Variants in TRRAP observed in about 807,000 individuals in gnomAD.
The protein encoded by TRRAP is transformation/transcription domain associated protein.
A neutral mutation model predicts 438.8 loss-of-function variants in TRRAP; 41 were observed. The ratio of observed to expected loss-of-function variants is 0.09; its 90% CI spans 0.07 to 0.12. The LOEUF (loss-of-function observed/expected upper bound fraction) is 0.12. Among genes scored for constraint, TRRAP ranks in the 10% least tolerant of loss-of-function variants. The probability of loss-of-function intolerance (pLI) is 1.00; values close to 1 mark genes in which losing one functional copy is unlikely to be tolerated. For missense variants in TRRAP, 3,122 were observed against 5,055.1 expected (o/e 0.62, Z 11.60); for synonymous variants, 1,994 against 1,962.9 (o/e 1.02, Z -0.42).
At chr7:98,959,590 C>G (rs1392291053) in intron 45 of TRRAP, 100 bp downstream of exon 45, 20 of 1,500,104 alleles carry the variant, frequency 1.3e-5, no homozygotes, top group Non-Finnish European at 1.8e-5. Flanking sequence ...CACTCTGACC[C>G]TTATGCCTAA....
At chr7:98,901,881 G>A (rs1562932471) in intron 11 of TRRAP, among the ~76,000 whole-genome samples, 1 of 152,188 alleles carries the variant, frequency 6.6e-6, no homozygotes, top group Admixed American at 6.5e-5. Flanking sequence ...GTATCATAAA[G>A]TTCCCCCTCT....
Position 98,976,168 on chromosome 7 carries a change from C to T in TRRAP, c.7859C>T (p.Ala2620Val). The change falls in exon 54 of 73, where the codon GCT (alanine) becomes GTT (valine). Residue 2620 changes from alanine to valine, a missense_variant. By Grantham distance (64) the Ala-to-Val change is moderately conservative. Transcript: ENST00000456197. This position sits in a 1 kb window ranked among gnomAD's most constrained non-coding sequence, Gnocchi z 4.6. ...TCATAGACTGGAGCGCTGCTCAGCGCTTTCGTTCAGCTGTGCCACATTTCC... is the reference window on the plus strand; with the variant it reads ...TCATAGACTGGAGCGCTGCTCAGCGTTTTCGTTCAGCTGTGCCACATTTCC... ...REVKTGALLS[A>V]FVQLCHISTT... 6.2e-7 allele frequency: 1 copy of T among 1,614,016 alleles called. No homozygotes were observed. The highest frequency in any genetic ancestry group is 8.5e-7 in the Non-Finnish European group (1 of 1,179,938).
rs906802176 is a variant in TRRAP at position 98,892,471 on chromosome 7, C to T, written c.309C>T (p.Asn103=). 7.4e-6 allele frequency: 12 copies of T among 1,612,098 alleles called. No individual in the cohort carries two copies. In the Admixed American group the frequency reaches 8.4e-5, roughly 11 times the overall value. ...VLEIIHRIPT[N]EHLRPHTKNV... ...AAATAATTCATAGAATACCAACCAA[C>T]GAACATCTTCGTCCTCACACAAAAA... Residue 103 remains asparagine, a synonymous_variant, in exon 5 of 73, where the codon AAC becomes AAT. Coordinates refer to ENST00000456197, the MANE Select transcript of TRRAP (RefSeq NM_001375524.1).
intron 16 of TRRAP, among the ~76,000 whole-genome samples, chr7:98,910,860 A>T (rs1241085609): frequency 6.6e-6 from 1 of 151,790 alleles, no homozygotes; most frequent in Admixed American, 6.6e-5. Flanking sequence ...AAGTTTAATA[A>T]TTTTTTTCAT....
chr7:98,959,538 A>G, intron 45 of TRRAP, 48 bp downstream of exon 45: 1 of 1,586,898 alleles, frequency 6.3e-7, no homozygotes, highest in Non-Finnish European at 8.6e-7. Flanking sequence ...CGAGGCCACT[A>G]GCAGATACTG....
At chr7:98,898,801 A>G (rs562173784) in intron 8 of TRRAP, among the ~76,000 whole-genome samples, 2 of 152,352 alleles carry the variant, frequency 1.3e-5, no homozygotes, top group Admixed American at 6.5e-5. Context: ...GTGAAGTCAT[A>G]GGCATTCATT....
chr7:98,964,669 C>G lies in TRRAP; in HGVS notation c.6870C>G (p.Pro2290=). ...MILKSACSNN[P]SYIDRLISVF... ...TCAAGTCTGCCTGCAGCAACAACCC[C>G]AGCTACATAGACAGGCTGATCTCCG... The change falls in exon 48 of 73, where the codon CCC becomes CCG. Residue 2290 remains proline, a synonymous_variant. Coordinates refer to ENST00000456197, the MANE Select transcript of TRRAP (RefSeq NM_001375524.1). 1 of 1,614,074 alleles carries G rather than the reference C, an allele frequency of 6.2e-7. No individual in the cohort carries two copies. Among genetic ancestry groups the G allele is most frequent in the African/African-American group, 1.3e-5 (1 of 75,040 alleles).
At chr7:98,979,448 G>A (rs1792814479) in intron 58 of TRRAP, among the ~76,000 whole-genome samples, 2 of 152,050 alleles carry the variant, frequency 1.3e-5, no homozygotes, top group Admixed American at 1.3e-4. Flanking sequence ...TAGTTTTTAG[G>A]GAATGACAAG....
Position 98,994,814 on chromosome 7 carries a change from T to G in TRRAP, c.10275T>G (p.Pro3425=). The change falls in exon 67 of 73, where the codon CCT becomes CCG. Residue 3425 remains proline, a synonymous_variant. Coordinates refer to ENST00000456197, the MANE Select transcript of TRRAP (RefSeq NM_001375524.1). This position sits in a 1 kb window ranked among gnomAD's most constrained non-coding sequence, Gnocchi z 4.8. ...GGGCGCAGGCCACTGCACAAGACCC[T>G]GTCTTTCAGAAGCTGAAAGGCCAGT... is the stretch of plus-strand genomic sequence containing the variant. ...ARRAQATAQD[P]VFQKLKGQFT... The G allele has an allele frequency of 1.2e-6, 2 of 1,613,314 alleles. No individual in the cohort carries two copies. Among genetic ancestry groups the G allele is most frequent in the Non-Finnish European group, 1.7e-6 (2 of 1,179,244 alleles).
intron 3 of TRRAP, among the ~76,000 whole-genome samples, chr7:98,889,375 A>C (rs1009345148): frequency 2.6e-5 from 4 of 152,124 alleles, no homozygotes; most frequent in Non-Finnish European, 5.9e-5. Flanking sequence ...GAAACTTCAT[A>C]AACTTTGCAT....
At position 99,011,543 on chromosome 7, in the gene TRRAP, T is replaced by G. The variant is rs767912925; in HGVS notation, c.11337+8T>G. 9.3e-6 allele frequency: 15 copies of G among 1,611,320 alleles called. No individual in the cohort carries two copies. The highest frequency in any genetic ancestry group is 3.3e-5 in the Admixed American group (2 of 59,722). On this transcript the variant is annotated splice_region_variant and intron_variant, in intron 72 of 72. Transcript: ENST00000456197. The surrounding 1 kb of genome is among the most constrained non-coding windows in gnomAD (Gnocchi z 7.1). Reference sequence around the variant, plus strand: ...GCCCAGCCAAACTTTAAGGTGGGTCTCCACGTCGTCCTATCACAGGCGCAG... The same window carrying G: ...GCCCAGCCAAACTTTAAGGTGGGTCGCCACGTCGTCCTATCACAGGCGCAG...
At chr7:98,926,880 G>A (rs1055321005) in intron 22 of TRRAP, among the ~76,000 whole-genome samples, 1 of 151,952 alleles carries the variant, frequency 6.6e-6, no homozygotes, top group Admixed American at 6.6e-5. Context: ...TTAGCTGGGC[G>A]TGGTGGTGGG....
rs544093599 is a variant in TRRAP at position 98,994,519 on chromosome 7, C to A, written c.10048-68C>A. ...GGCTGGGAGGGCCGCACTCAATAGG[C>A]GCTTTTGGCTGCTGGTTCTGGAGTG... On this transcript the variant is annotated intron_variant, in intron 66 of 72. Transcript: ENST00000456197. The surrounding 1 kb of genome is among the most constrained non-coding windows in gnomAD (Gnocchi z 4.8). 3.1e-6 allele frequency: 5 copies of A among 1,598,122 alleles called. No homozygotes were observed. Among genetic ancestry groups the A allele is most frequent in the East Asian group, 2.2e-5 (1 of 44,756 alleles).
chr7:98,917,441 G>A lies in TRRAP; in HGVS notation c.2384G>A (p.Ser795Asn). The A allele has an allele frequency of 1.2e-6, 2 of 1,614,160 alleles. No individual in the cohort carries two copies. The highest frequency in any genetic ancestry group is 1.7e-6 in the Non-Finnish European group (2 of 1,180,032). ...TCCCTAGGGCTGAACATGCTTCAGA[G>A]TGGCCTGCACAAGCAGCACATGAAG... ...NLLQGLNMLQ[S>N]GLHKQHMKDL... Residue 795 changes from serine to asparagine, a missense_variant, in exon 20 of 73, where the codon AGT becomes AAT. Ser to Asn is a conservative substitution (Grantham distance 46). Coordinates refer to ENST00000456197, the MANE Select transcript of TRRAP (RefSeq NM_001375524.1).
intron 11 of TRRAP, 47 bp from the exon 12 acceptor site, chr7:98,903,332 A>G (rs1554406995): frequency 6.3e-7 from 1 of 1,598,984 alleles, no homozygotes; most frequent in South Asian, 1.1e-5. Flanking sequence ...ATTTTTCTTA[A>G]CACTCTCCTA....
intron 3 of TRRAP, among the ~76,000 whole-genome samples, chr7:98,884,894 A>C (rs1203964957): frequency 6.6e-6 from 1 of 152,104 alleles, no homozygotes; most frequent in Non-Finnish European, 1.5e-5. Flanking sequence ...ACCTGAAAAA[A>C]GTTATCTCGT....
intron 62 of TRRAP, among the ~76,000 whole-genome samples, chr7:98,986,571 A>G (rs1014529661): frequency 2.6e-5 from 4 of 152,144 alleles, no homozygotes; most frequent in African/African-American, 9.7e-5. Context: ...TTTGATTGTT[A>G]GTTTGTAATT....
chr7:99,004,406 A>G lies in TRRAP; in HGVS notation c.10526A>G (p.Lys3509Arg). 6.2e-7 allele frequency: 1 copy of G among 1,612,998 alleles called. No individual in the cohort carries two copies. The stretch of plus-strand genomic sequence containing the variant: ...CCAAAGCCAACGCATTATTACATCA[A>G]GATTGCACGGTGAGTGGGCCAGCCT... ...LMPKPTHYYIKIARFMPRVEI... is the reference protein window; with the variant it reads ...LMPKPTHYYIRIARFMPRVEI... Residue 3509 changes from lysine (K) to arginine (R), a missense_variant, in exon 68 of 73, where the codon AAG becomes AGG. Coordinates refer to ENST00000456197, the MANE Select transcript of TRRAP (RefSeq NM_001375524.1).
chr7:98,959,951 AAAAG>A (rs1231638403), intron 45 of TRRAP, among the ~76,000 whole-genome samples: 5 of 149,750 alleles, frequency 3.3e-5, no homozygotes, highest in Non-Finnish European at 2.9e-5. Flanking sequence ...AAAAAAAAAA[AAAAG>A]AAAAAGAAAA....
Sources: allele counts gnomAD v4.1 joint callset (sites outside exome capture counted in the v4.1 genomes callset), GRCh38; gene constraint gnomAD v4.1.1; non-coding constraint Gnocchi (gnomAD v3.1); transcripts MANE v1.5; gene names NCBI Gene and HGNC (gene_info 2026-07-23, HGNC 2026-07-21).